Variants in IRAK3 observed in about 807,000 individuals in gnomAD.
IRAK3 encodes interleukin 1 receptor associated kinase 3, also known as interleukin-1 receptor-associated kinase 3.
Under a neutral mutation model 56.6 loss-of-function variants are expected in IRAK3, and 57 were observed. The observed-to-expected ratio is 1.01, with a 90% CI of 0.81 to 1.26. IRAK3 has a LOEUF of 1.26. Ranked by LOEUF, IRAK3 falls within the 50% of genes most tolerant of loss-of-function variation. The pLI, the probability that IRAK3 is intolerant of heterozygous loss-of-function variation, is 0.00. For synonymous variants in IRAK3, 258 were observed against 255.7 expected, an observed-to-expected ratio of 1.01 and a Z score of -0.09; for missense variants, 703 against 719.0, an observed-to-expected ratio of 0.98 and a Z score of 0.25.
At position 66,234,651 on chromosome 12, in the gene IRAK3, G is replaced by A. The variant is rs946273270; in HGVS notation, c.887+6281G>A. The A allele has an allele frequency of 5.0e-6, 8 of 1,611,156 alleles. No individual in the cohort carries two copies. The African/African-American group carries it at 8.0e-5, about 16-fold the overall frequency. ...AACTTACACAATAAAGGTTCTGTGG[G>A]GGCAGAAACTCCTGGTGGTGTCTTA... On this transcript the variant is annotated intron_variant, in intron 8 of 11. Coordinates refer to ENST00000261233, the MANE Select transcript of IRAK3 (RefSeq NM_007199.3).
At chr12:66,211,311 C>T in intron 4 of IRAK3, 135 bp from the exon 5 acceptor site, 2 of 639,514 alleles carry the variant, frequency 3.1e-6, no homozygotes, top group South Asian at 3.7e-5. Context: ...ACATGGTGGT[C>T]TTCGGCTTTG....
intron 8 of IRAK3, among the ~76,000 whole-genome samples, chr12:66,241,868 C>T (rs762210205): frequency 1.1e-4 from 16 of 152,178 alleles, no homozygotes; most frequent in Admixed American, 3.3e-4. Context: ...AGCTGACTCA[C>T]CATTTGCTGA....
chr12:66,212,200 T>G lies in IRAK3; in HGVS notation c.588+603T>G, dbSNP rs11465963. On this transcript the variant is annotated intron_variant, in intron 5 of 11. Coordinates refer to ENST00000261233, the MANE Select transcript of IRAK3 (RefSeq NM_007199.3). ...AGCCTGCCCTGATTTTCTTGGATTT[T>G]TAGGATGAGCCGGGTCCTCTCCAGG... 9.9e-3 allele frequency among the ~76,000 whole-genome samples: 1,502 copies of G among 152,218 alleles called. 20 individuals are homozygous for G. Among genetic ancestry groups the G allele is most frequent in the African/African-American group, 0.034 (1,429 of 41,540 alleles).
At chr12:66,207,472 CAA>C (rs58489449) in intron 2 of IRAK3, among the ~76,000 whole-genome samples, 16 of 146,786 alleles carry the variant, frequency 1.1e-4, no homozygotes, top group Admixed American at 2.7e-4. Context: ...ACTCCATCTC[CAA>C]AAAAAAAAAC....
chr12:66,246,263 A>G (rs1432649714), intron 11 of IRAK3, among the ~76,000 whole-genome samples: 1 of 152,172 alleles, frequency 6.6e-6, no homozygotes, highest in Non-Finnish European at 1.5e-5. Flanking sequence ...AAAGGCTCCA[A>G]GGTGATGGAG....
At chr12:66,228,910 G>A (rs1474006319) in intron 8 of IRAK3, among the ~76,000 whole-genome samples, 1 of 152,188 alleles carries the variant, frequency 6.6e-6, no homozygotes, top group Non-Finnish European at 1.5e-5. Context: ...GGGATGTTCG[G>A]TAGGTTAGGT....
chr12:66,231,853 G>C (rs982083459), intron 8 of IRAK3, among the ~76,000 whole-genome samples: 3 of 152,234 alleles, frequency 2.0e-5, no homozygotes, highest in African/African-American at 7.2e-5. Flanking sequence ...ATTCTGACTA[G>C]GCTGAGGAAC....
Position 66,245,116 on chromosome 12 carries a change from T to C in IRAK3, c.1168T>C (p.Leu390=), listed in dbSNP as rs775123485. The C allele has an allele frequency of 3.7e-6, 6 of 1,614,170 alleles. No individual in the cohort carries two copies. Among genetic ancestry groups the C allele is most frequent in the South Asian group, 1.1e-5 (1 of 91,084 alleles). The change falls in exon 11 of 12, where the codon TTG becomes CTG. Residue 390 remains leucine, a synonymous_variant. Transcript: ENST00000261233. Reference sequence around the variant, plus strand: ...TTCCAAGCGGGATCTCCTTAGAGAATTGATGGAGAAGAGAGGCCTGGATTC... The same window carrying C: ...TTCCAAGCGGGATCTCCTTAGAGAACTGATGGAGAAGAGAGGCCTGGATTC... The part of the protein sequence containing the change: ...HIQLRDLLRE[L]MEKRGLDSCL...
At chr12:66,203,120 T>C (rs930370420) in intron 1 of IRAK3, among the ~76,000 whole-genome samples, 1 of 152,128 alleles carries the variant, frequency 6.6e-6, no homozygotes, top group African/African-American at 2.4e-5. Context: ...TGGATGCAAA[T>C]ATTAGTGGCC....
Position 66,250,571 on chromosome 12 carries a change from C to G in IRAK3, c.*2400C>G, listed in dbSNP as rs1592608417. 1 of 152,248 alleles carries G rather than the reference C, an allele frequency of 6.6e-6. No individual in the cohort carries two copies. Among genetic ancestry groups the G allele is most frequent in the East Asian group, 1.9e-4 (1 of 5,200 alleles). The allele number at this position is 152,248 out of a possible 1,614,324, so 9.4% of individuals were successfully genotyped here. ...GTACGGTATCTGGCTGCTCAGAGCT[C>G]TCTGATTCACAAAAGAGATCATCAA... On this transcript the variant is annotated 3_prime_UTR_variant, in exon 12 of 12. Coordinates refer to ENST00000261233, the MANE Select transcript of IRAK3 (RefSeq NM_007199.3).
At chr12:66,204,780 A>ACG (rs2052542911) in intron 2 of IRAK3, among the ~76,000 whole-genome samples, 1 of 39,380 alleles carries the variant, frequency 2.5e-5, no homozygotes, top group African/African-American at 7.5e-5. Flanking sequence ...GCCCTTGCGC[A>ACG]CACACACACA....
At chr12:66,213,021 A>C (rs891253094) in intron 5 of IRAK3, among the ~76,000 whole-genome samples, 1 of 152,168 alleles carries the variant, frequency 6.6e-6, no homozygotes, top group African/African-American at 2.4e-5. Context: ...CATGTTCAGC[A>C]CATGTATCCA....
At chr12:66,191,280 G>T (rs537476542) in intron 1 of IRAK3, among the ~76,000 whole-genome samples, 1 of 87,734 alleles carries the variant, frequency 1.1e-5, no homozygotes, top group East Asian at 3.9e-4. Flanking sequence ...TGAGGAAGTG[G>T]TCAGTAATTA....
chr12:66,213,721 T>C (rs1461740545), intron 5 of IRAK3, among the ~76,000 whole-genome samples: 1 of 151,682 alleles, frequency 6.6e-6, no homozygotes, highest in African/African-American at 2.4e-5. Flanking sequence ...GGGAACGCCT[T>C]ACTTTCCTCT....
rs755624194 is a variant in IRAK3 at position 66,211,533 on chromosome 12, A to T, written c.524A>T (p.Glu175Val). The change falls in exon 5 of 12, where the codon GAG becomes GTG. Residue 175 changes from glutamate to valine, a missense_variant. Glu to Val is a moderately radical substitution (Grantham distance 121). Transcript: ENST00000261233. ...AAAGACTTCCTAATTGGAGAAGGAG[A>T]GATTTTTGAGGTATACAGAGTGGAG... ...FHKDFLIGEG[E>V]IFEVYRVEIQ... 5.0e-6 allele frequency: 8 copies of T among 1,610,468 alleles called. No homozygotes were observed. The Admixed American group carries it at 1.3e-4, about 27-fold the overall frequency.
At chr12:66,204,778 G>GCA (rs59511601) in intron 2 of IRAK3, among the ~76,000 whole-genome samples, 8,749 of 147,710 alleles carry the variant, frequency 0.059, 274 homozygotes, top group East Asian at 0.097. Context: ...GAGCCCTTGC[G>GCA]CACACACACA....
At chr12:66,231,678 G>A (rs1459244194) in intron 8 of IRAK3, among the ~76,000 whole-genome samples, 1 of 152,198 alleles carries the variant, frequency 6.6e-6, no homozygotes, top group Non-Finnish European at 1.5e-5. Context: ...TCCTGGTGGA[G>A]GCAATAATTT....
intron 6 of IRAK3, among the ~76,000 whole-genome samples, chr12:66,219,372 C>CAGATA: frequency 6.6e-6 from 1 of 152,228 alleles, no homozygotes; most frequent in Non-Finnish European, 1.5e-5. Context: ...CTCACAAGAT[C>CAGATA]TGATGGTTTT....
intron 11 of IRAK3, among the ~76,000 whole-genome samples, chr12:66,245,539 T>A (rs1236313527): frequency 2.5e-4 from 31 of 123,454 alleles, no homozygotes; most frequent in African/African-American, 8.9e-4. Flanking sequence ...CTTTTTTTTT[T>A]TTTTTTTTTT....
Sources: gnomAD v4.1 joint callset for allele counts (sites outside exome capture counted in the v4.1 genomes callset) on GRCh38, gnomAD v4.1.1 for gene constraint, MANE v1.5 for transcripts, NCBI Gene and HGNC (gene_info 2026-07-23, HGNC 2026-07-21) for gene names.